Variants in TTN observed in about 807,000 individuals in gnomAD.
The protein encoded by TTN is titin.
TTN carries 1,525 observed loss-of-function variants against 3,223.0 expected under a neutral mutation model. The observed-to-expected ratio is 0.47, with a 90% CI of 0.45 to 0.49. The LOEUF is 0.49. Among genes scored for constraint, TTN ranks in the 20% least tolerant of loss-of-function variants. The pLI, the probability that TTN is intolerant of heterozygous loss-of-function variation, is 0.00. For missense variants in TTN, 40,786 were observed against 43,424.0 expected (o/e 0.94, Z 5.40); for synonymous variants, 14,094 against 15,161.0 (o/e 0.93, Z 5.17).
At chr2:178,747,908 C>G (rs150615457) in intron 47 of TTN, 12 of 1,613,174 alleles carry the variant, frequency 7.4e-6, no homozygotes, top group Non-Finnish European at 9.3e-6. Flanking sequence ...GAGTGGGAAG[C>G]ACTGACTCAG....
rs1574077557 is a variant in TTN, at chr2:178,740,291, T to G, written c.12942A>C (p.Ala4314=). ...CAATTCTGACCGCAGAATCTTGCCCTGCATTTTCCAGTGGATTTGCACTTT... is the reference window on the plus strand; with the variant it reads ...CAATTCTGACCGCAGAATCTTGCCCGGCATTTTCCAGTGGATTTGCACTTT... ...LIESANPLEN[A]GQDSAVRIEE... The change falls in exon 48 of 363, where the codon GCA becomes GCC. Residue 4314 remains alanine, a synonymous_variant. Coordinates refer to ENST00000589042, the MANE Select transcript of TTN (RefSeq NM_001267550.2). The G allele has an allele frequency of 1.9e-6, 3 of 1,613,730 alleles. No individual in the cohort carries two copies. Among genetic ancestry groups the G allele is most frequent in the Non-Finnish European group, 2.5e-6 (3 of 1,179,810 alleles).
Position 178,557,324 on chromosome 2 carries a change from T to A in TTN, c.87938A>T (p.Tyr29313Phe). 1 of 1,613,964 alleles carries A rather than the reference T, an allele frequency of 6.2e-7. No individual in the cohort carries two copies. Among genetic ancestry groups the A allele is most frequent in the South Asian group, 1.1e-5 (1 of 91,090 alleles). The change falls in exon 329 of 363, where the codon TAT becomes TTT. Residue 29313 changes from tyrosine (Y) to phenylalanine (F), a missense_variant. Tyr to Phe is a conservative substitution (Grantham distance 22, BLOSUM62 3). Transcript: ENST00000589042. ...SAGLIYEFRV[Y>F]AENAAGVGKP... ...TCCAACTCCAGCAGCATTTTCTGCA[T>A]ACACCCTGAATTCATAAATAAGTCC...
chr2:178,679,412 A>G lies in TTN; in HGVS notation c.33669T>C (p.Pro11223=). The G allele has an allele frequency of 1.2e-6, 2 of 1,612,444 alleles. No homozygotes were observed. The highest frequency in any genetic ancestry group is 1.1e-5 in the South Asian group (1 of 90,926). The change falls in exon 142 of 363, where the codon CCT becomes CCC. Residue 11223 remains proline (P), a synonymous_variant. Coordinates refer to ENST00000589042, the MANE Select transcript of TTN (RefSeq NM_001267550.2). ...KKKEAPPAKV[P]EVPKKPEEKV... ...TCTCCTCTGGCTTCTTAGGAACCTC[A>G]GGCACTTTAAAGATATTGTTTATTG...
chr2:178,799,200 T>G, intron 6 of TTN: 1 of 411,728 alleles, frequency 2.4e-6, no homozygotes. Flanking sequence ...CCCGCCCAAA[T>G]GTTGCATTTC....
At chr2:178,664,178 G>T (rs2065414900) in intron 168 of TTN, 80 bp from the exon 169 acceptor site, 2 of 1,397,038 alleles carry the variant, frequency 1.4e-6, no homozygotes, top group South Asian at 1.4e-5. Context: ...AAGAACAAAA[G>T]AGCTATTTTT....
In TTN at chr2:178,749,938, A is replaced by T. The variant is rs1243996325; in HGVS notation, c.11311+3186T>A. The T allele has an allele frequency of 8.7e-6, 14 of 1,613,102 alleles. No individual in the cohort carries two copies. The highest frequency in any genetic ancestry group is 8.5e-7 in the Non-Finnish European group (1 of 1,179,506). On this transcript the variant is annotated intron_variant, in intron 47 of 362. Coordinates refer to ENST00000589042, the MANE Select transcript of TTN (RefSeq NM_001267550.2). ...CTTGTAACATTTTTGGTGGTTCATT[A>T]GTAATATCAGACAAAAATACAAATC...
rs185331976 is a variant in TTN at position 178,546,748 on chromosome 2, G to A, written c.94680C>T (p.Asn31560=). Reference sequence around the variant, plus strand: ...AGAAATTGTCAGATACAATGGTGTAGTTGCACTTCAGCCAGCGACCATCTC... The same window carrying A: ...AGAAATTGTCAGATACAATGGTGTAATTGCACTTCAGCCAGCGACCATCTC... ...EVGDGRWLKC[N]YTIVSDNFFT... Residue 31560 remains asparagine, a synonymous_variant, in exon 341 of 363, where the codon AAC becomes AAT. Coordinates refer to ENST00000589042, the MANE Select transcript of TTN (RefSeq NM_001267550.2). 1 of 1,613,762 alleles carries A rather than the reference G, an allele frequency of 6.2e-7. No homozygotes were observed. The highest frequency in any genetic ancestry group is 2.2e-5 in the East Asian group (1 of 44,868).
chr2:178,527,803 A>G, intron 361 of TTN, 55 bp from the exon 362 acceptor site: 1 of 1,466,142 alleles, frequency 6.8e-7, no homozygotes, highest in Non-Finnish European at 9.2e-7. Flanking sequence ...TTAATTGATG[A>G]CATATGACGC....
intron 47 of TTN, chr2:178,750,253 G>T (rs1367686892): frequency 6.2e-7 from 1 of 1,613,212 alleles, no homozygotes; most frequent in East Asian, 2.2e-5. Context: ...AGTAGTCATG[G>T]AACACTGGGA....
Position 178,711,869 on chromosome 2 carries a change from A to T in TTN, c.27886+75T>A, listed in dbSNP as rs2742331. 361,286 of 1,487,242 alleles carry T rather than the reference A, an allele frequency of 0.24. 51,929 individuals are homozygous for T. Among genetic ancestry groups the T allele is most frequent in the East Asian group, 0.65 (28,300 of 43,682 alleles). The allele number at this position is 1,487,242 out of a possible 1,614,324, so 92.1% of individuals were successfully genotyped here. A position where few individuals can be genotyped will look rare whatever the true frequency, so the allele number is the denominator to read the frequency against. On this transcript the variant is annotated intron_variant, in intron 96 of 362. Transcript: ENST00000589042. Reference sequence around the variant, plus strand: ...GCCTTTGGAAAGATTTTCCTAAAAAATAGGCCTCCCCAGACATTTTAAATC... The same window carrying T: ...GCCTTTGGAAAGATTTTCCTAAAAATTAGGCCTCCCCAGACATTTTAAATC...
At position 178,579,689 on chromosome 2, in the gene TTN, G is replaced by T; in HGVS notation, c.67508C>A (p.Ser22503Tyr). The change falls in exon 319 of 363, where the codon TCC becomes TAC. Residue 22503 changes from serine to tyrosine, a missense_variant. Physicochemically the swap from Ser to Tyr is moderately radical, Grantham distance 144 (BLOSUM62 -2). Transcript: ENST00000589042. ...TTTTGCAGAGTACTGTAGGCTTAAG[G>T]ATTTCATAACTCGTTGCCACTTATT... ...EENKWQRVMK[S>Y]LSLQYSAKDL... 2.5e-6 allele frequency: 4 copies of T among 1,613,192 alleles called. No homozygotes were observed. Among genetic ancestry groups the T allele is most frequent in the Non-Finnish European group, 3.4e-6 (4 of 1,179,478 alleles).
In TTN at chr2:178,707,547, T is replaced by G; in HGVS notation, c.29020A>C (p.Lys9674Gln). 6.2e-6 allele frequency: 10 copies of G among 1,613,378 alleles called. No individual in the cohort carries two copies. The highest frequency in any genetic ancestry group is 7.6e-6 in the Non-Finnish European group (9 of 1,179,464). ...GTACCTTTAATGGTCACTTTTGATT[T>G]GGTAGTGTCACTTCCAGCCACATTT... ...ASNVAGSDTTKSKVTIKDKPA... is the reference protein window; with the variant it reads ...ASNVAGSDTTQSKVTIKDKPA... Residue 9674 changes from lysine to glutamine, a missense_variant, in exon 100 of 363, where the codon AAA becomes CAA. Lys to Gln is a moderately conservative substitution (Grantham distance 53). Coordinates refer to ENST00000589042, the MANE Select transcript of TTN (RefSeq NM_001267550.2).
At position 178,575,646 on chromosome 2, in the gene TTN, C is replaced by G; in HGVS notation, c.70486G>C (p.Val23496Leu). 1 of 1,613,580 alleles carries G rather than the reference C, an allele frequency of 6.2e-7. No individual in the cohort carries two copies. The highest frequency in any genetic ancestry group is 8.5e-7 in the Non-Finnish European group (1 of 1,179,646). ...TTKCHKCTYK[V>L]TGLSEGCEYF... ...TCACACCCTTCAGACAAGCCGGTAA[C>G]TTTATATGTGCATTTATGGCACTTA... Residue 23496 changes from valine (V) to leucine (L), a missense_variant, in exon 326 of 363, where the codon GTT becomes CTT. Physicochemically the swap from Val to Leu is conservative, Grantham distance 32. Coordinates refer to ENST00000589042, the MANE Select transcript of TTN (RefSeq NM_001267550.2). The surrounding 1 kb of genome is among the most constrained non-coding windows in gnomAD (Gnocchi z 4.0).
At chr2:178,773,015 T>C (rs1261715141) in intron 33 of TTN, 94 bp downstream of exon 33, 22 of 1,534,548 alleles carry the variant, frequency 1.4e-5, no homozygotes, top group Non-Finnish European at 2.0e-5. Flanking sequence ...GGCATGGAAG[T>C]GGGAAACTGA....
Position 178,800,663 on chromosome 2 carries a change from G to T in TTN, c.315C>A (p.Asn105Lys). Residue 105 changes from asparagine to lysine, a missense_variant, in exon 4 of 363, where the codon AAC (asparagine) becomes AAA (lysine). Coordinates refer to ENST00000589042, the MANE Select transcript of TTN (RefSeq NM_001267550.2). ...TCATGCTCTGCAGTCGTTGAACGAA[G>T]TTGGGTGGTGCTGTCTCAGCTGCGG... ...LLVKAETAPPNFVQRLQSMTV... is the reference protein window; with the variant it reads ...LLVKAETAPPKFVQRLQSMTV... The T allele has an allele frequency of 6.2e-7, 1 of 1,609,680 alleles. No homozygotes were observed. The highest frequency in any genetic ancestry group is 8.5e-7 in the Non-Finnish European group (1 of 1,177,664).
At chr2:178,787,445 G>A (rs1303664087) in intron 13 of TTN, among the ~76,000 whole-genome samples, 3 of 151,906 alleles carry the variant, frequency 2.0e-5, no homozygotes, top group Non-Finnish European at 4.4e-5. Context: ...AACTATATTG[G>A]CAATGAGCTG....
At chr2:178,663,937 T>C in intron 169 of TTN, 35 bp from the exon 170 acceptor site, 1 of 1,612,652 alleles carries the variant, frequency 6.2e-7, no homozygotes, top group Non-Finnish European at 8.5e-7. Context: ...ATTTAGGTGT[T>C]ATGAAGACCG....
rs752145538 is a variant in TTN, at chr2:178,776,974, C to A, written c.4890G>T (p.Ala1630=). ...TVSQDSAWYT[A]TAINKAGRDT... is the part of the protein sequence containing the mutation. ...CTCTGCCAGCTTTATTAATAGCAGT[C>A]GCAGTATACCAGGCAGAATCTTGGC... is the stretch of plus-strand genomic sequence containing the variant. Residue 1630 remains alanine, a synonymous_variant, in exon 28 of 363, where the codon GCG becomes GCT. Transcript: ENST00000589042. 15 of 1,613,792 alleles carry A rather than the reference C, an allele frequency of 9.3e-6. No homozygotes were observed. Among genetic ancestry groups the A allele is most frequent in the African/African-American group, 1.3e-5 (1 of 74,882 alleles).
Position 178,547,512 on chromosome 2 carries a change from G to A in TTN, c.94114C>T (p.His31372Tyr), listed in dbSNP as rs1349108221. The change falls in exon 339 of 363, where the codon CAT (histidine) becomes TAT (tyrosine). Residue 31372 changes from histidine to tyrosine, a missense_variant. Coordinates refer to ENST00000589042, the MANE Select transcript of TTN (RefSeq NM_001267550.2). ...GAATATTCCATGTATTTTGTGAGAT[G>A]AGTGACTTTAATTTGAGTGCGCTTG... ...SVKRTQIKVTHLTKYMEYSFR... is the reference protein window; with the variant it reads ...SVKRTQIKVTYLTKYMEYSFR... The A allele has an allele frequency of 1.2e-6, 2 of 1,613,472 alleles. No homozygotes were observed. Among genetic ancestry groups the A allele is most frequent in the African/African-American group, 1.3e-5 (1 of 74,900 alleles).
Sources: allele counts gnomAD v4.1 joint callset (sites outside exome capture counted in the v4.1 genomes callset), GRCh38; gene constraint gnomAD v4.1.1; non-coding constraint Gnocchi (gnomAD v3.1); transcripts MANE v1.5; gene names NCBI Gene and HGNC (gene_info 2026-07-23, HGNC 2026-07-21).